Variants in DEPDC5 observed in about 807,000 individuals in gnomAD.
DEPDC5 encodes the protein DEP domain containing 5, GATOR1 subcomplex subunit.
DEPDC5 carries 73 observed loss-of-function variants against 217.3 expected under a neutral mutation model. That is an observed-to-expected ratio of 0.34 (90% CI 0.28 to 0.41). DEPDC5 has a LOEUF of 0.41. DEPDC5 is among the 10% of genes least tolerant of loss of function. The pLI, the probability that DEPDC5 is intolerant of heterozygous loss-of-function variation, is 1.00. For missense variants in DEPDC5, 1,675 were observed against 2,070.1 expected, an observed-to-expected ratio of 0.81 and a Z score of 3.70; for synonymous variants, 733 against 756.7, an observed-to-expected ratio of 0.97 and a Z score of 0.51.
intron 21 of DEPDC5, chr22:31,816,018 G>A (rs1000563554): frequency 2.9e-5 from 29 of 985,702 alleles, no homozygotes; most frequent in African/African-American, 2.3e-4. Context: ...CTCATTTACC[G>A]GTCGGGCGCA....
At chr22:31,779,027 G>C (rs533498755) in intron 8 of DEPDC5, among the ~76,000 whole-genome samples, 1 of 152,116 alleles carries the variant, frequency 6.6e-6, no homozygotes, top group Non-Finnish European at 1.5e-5. Flanking sequence ...TGTTGTGGGG[G>C]TTGTCTTGTG....
At chr22:31,773,496 G>A (rs2083535813) in intron 7 of DEPDC5, among the ~76,000 whole-genome samples, 1 of 152,128 alleles carries the variant, frequency 6.6e-6, no homozygotes, top group African/African-American at 2.4e-5. Flanking sequence ...AGCCACCGCA[G>A]CTGGCCTCTT....
chr22:31,815,535 C>A (rs2088991180), intron 21 of DEPDC5: 1 of 630,524 alleles, frequency 1.6e-6, no homozygotes, highest in African/African-American at 1.9e-5. Context: ...TAGCATGCCA[C>A]CACACCCAGC....
intron 13 of DEPDC5, 37 bp from the exon 14 acceptor site, chr22:31,798,545 T>G: frequency 2.2e-3 from 3,416 of 1,544,406 alleles, no homozygotes; most frequent in Non-Finnish European, 2.8e-3. Context: ...TCATGTTTCA[T>G]GAGATGTTTT....
intron 33 of DEPDC5, among the ~76,000 whole-genome samples, chr22:31,866,079 G>A (rs1226807123): frequency 6.6e-6 from 1 of 152,174 alleles, no homozygotes; most frequent in Non-Finnish European, 1.5e-5. Flanking sequence ...GCTGTGACAA[G>A]CCCACGAGGT....
At chr22:31,766,921 C>T (rs761749710) in intron 6 of DEPDC5, among the ~76,000 whole-genome samples, 1 of 152,046 alleles carries the variant, frequency 6.6e-6, no homozygotes, top group African/African-American at 2.4e-5. Context: ...GGAATAGAAC[C>T]GTACTTTTCA....
chr22:31,774,084 CAA>C (rs1223561355), intron 7 of DEPDC5, among the ~76,000 whole-genome samples: 17 of 152,026 alleles, frequency 1.1e-4, no homozygotes, highest in Admixed American at 9.8e-4. Flanking sequence ...AAAAACAAAA[CAA>C]AACAACAACA....
At chr22:31,863,585 A>G (rs1472054074) in intron 33 of DEPDC5, among the ~76,000 whole-genome samples, 1 of 152,212 alleles carries the variant, frequency 6.6e-6, no homozygotes, top group Non-Finnish European at 1.5e-5. Context: ...TGAGGTGGGA[A>G]GATCACTTGA....
At chr22:31,898,264 G>A (rs1295498495) in intron 40 of DEPDC5, among the ~76,000 whole-genome samples, 1 of 152,046 alleles carries the variant, frequency 6.6e-6, no homozygotes, top group Non-Finnish European at 1.5e-5. Context: ...AGAGTACCCA[G>A]GGTCAGCCTG....
intron 34 of DEPDC5, among the ~76,000 whole-genome samples, chr22:31,872,735 T>TTTTTA (rs67287577): frequency 1.3e-4 from 20 of 150,994 alleles, no homozygotes; most frequent in Middle Eastern, 3.4e-3. Context: ...ATGTGGACAT[T>TTTTTA]TTTTATTTTA....
chr22:31,782,343 G>A (rs201506853), intron 8 of DEPDC5, among the ~76,000 whole-genome samples: 1 of 151,808 alleles, frequency 6.6e-6, no homozygotes, highest in East Asian at 1.9e-4. Context: ...CACCATGTTG[G>A]CCAGGCTGGT....
In DEPDC5 at chr22:31,810,588, T is replaced by C; in HGVS notation, c.1392T>C (p.Ala464=). ...AAGTAGATTATGACGCCTATGACGCTCAAGTGTTCAGGCTGCCCGGCCCAT... is the reference window on the plus strand; with the variant it reads ...AAGTAGATTATGACGCCTATGACGCCCAAGTGTTCAGGCTGCCCGGCCCAT... ...PIQVDYDAYD[A]QVFRLPGPSR... is the part of the protein sequence containing the mutation. Residue 464 remains alanine, a synonymous_variant, in exon 20 of 43, where the codon GCT becomes GCC. Coordinates refer to ENST00000651528, the MANE Select transcript of DEPDC5 (RefSeq NM_001242896.3). The C allele has an allele frequency of 2.5e-6, 4 of 1,614,172 alleles. No homozygotes were observed. The highest frequency in any genetic ancestry group is 2.5e-6 in the Non-Finnish European group (3 of 1,180,038).
intron 20 of DEPDC5, chr22:31,814,786 A>G: frequency 1.7e-6 from 1 of 591,988 alleles, no homozygotes; most frequent in African/African-American, 1.9e-5. Context: ...TTGGCTGCAT[A>G]ATGTCTGTCA....
intron 38 of DEPDC5, among the ~76,000 whole-genome samples, chr22:31,887,653 C>G (rs2093348445): frequency 6.6e-6 from 1 of 152,086 alleles, no homozygotes; most frequent in Non-Finnish European, 1.5e-5. Context: ...ATAGTTGTTA[C>G]AAGGAATTTC....
At chr22:31,897,775 C>T in intron 40 of DEPDC5, 122 bp downstream of exon 40, 1 of 1,162,936 alleles carries the variant, frequency 8.6e-7, no homozygotes, top group Non-Finnish European at 1.2e-6. Context: ...CAACAAGGGG[C>T]CAAAAGGATC....
intron 17 of DEPDC5, among the ~76,000 whole-genome samples, chr22:31,805,492 GTCTT>G (rs1343586631): frequency 5.9e-5 from 9 of 151,522 alleles, no homozygotes; most frequent in Admixed American, 1.3e-4. Flanking sequence ...TCTCTGGGTT[GTCTT>G]TCTTTCTTTC....
intron 38 of DEPDC5, among the ~76,000 whole-genome samples, chr22:31,883,240 A>G (rs562067785): frequency 2.0e-5 from 3 of 152,288 alleles, no homozygotes; most frequent in African/African-American, 4.8e-5. Context: ...AAGGATTCCA[A>G]TCAGGAGCCA....
intron 37 of DEPDC5, 151 bp from the exon 38 acceptor site, chr22:31,879,374 T>A (rs1476449456): frequency 2.8e-6 from 2 of 722,224 alleles, no homozygotes; most frequent in Non-Finnish European, 4.5e-6. Context: ...ATTTGCTACG[T>A]TTCACATAAA....
intron 22 of DEPDC5, among the ~76,000 whole-genome samples, chr22:31,820,112 TTG>T (rs3069112): frequency 6.6e-6 from 1 of 151,332 alleles, no homozygotes. Context: ...CTCCAGGATT[TTG>T]TGTGTGTGTG....
Sources: allele counts gnomAD v4.1 joint callset (sites outside exome capture counted in the v4.1 genomes callset), GRCh38; gene constraint gnomAD v4.1.1; transcripts MANE v1.5; gene names NCBI Gene and HGNC (gene_info 2026-07-23, HGNC 2026-07-21).